PREX2: variants seen among roughly 807,000 people sequenced by gnomAD.
PREX2 encodes phosphatidylinositol 3,4,5-trisphosphate-dependent Rac exchanger 2 protein.
A neutral mutation model predicts 203.2 loss-of-function variants in PREX2; 107 were observed. That is an observed-to-expected ratio of 0.53 (90% CI 0.45 to 0.62). The LOEUF (loss-of-function observed/expected upper bound fraction) is 0.62, where lower values mean the gene tolerates loss of function less well. PREX2 is among the 20% of genes least tolerant of loss of function. The pLI is 0.00. For synonymous variants in PREX2, 672 were observed against 663.6 expected, an observed-to-expected ratio of 1.01 and a Z score of -0.19; for missense variants, 1,777 against 1,955.9, an observed-to-expected ratio of 0.91 and a Z score of 1.72.
chr8:68,043,152 G>A (rs1025345052), intron 7 of PREX2, among the ~76,000 whole-genome samples: 1 of 152,014 alleles, frequency 6.6e-6, no homozygotes, highest in Non-Finnish European at 1.5e-5. Flanking sequence ...CTCCTGTGAG[G>A]CCAATTTTCA....
intron 21 of PREX2, among the ~76,000 whole-genome samples, chr8:68,096,771 T>C (rs1206069243): frequency 6.6e-6 from 1 of 152,202 alleles, no homozygotes; most frequent in East Asian, 1.9e-4. Flanking sequence ...GGTCCACAGA[T>C]TGAAGTAGAT....
Position 68,027,339 on chromosome 8 carries a change from C to CAATGAGGTAGCA in PREX2, c.543+16_543+17insAATGAGGTAGCA. 1 of 1,444,720 alleles carries CAATGAGGTAGCA rather than the reference C, an allele frequency of 6.9e-7. No homozygotes were observed. The highest frequency in any genetic ancestry group is 9.7e-7 in the Non-Finnish European group (1 of 1,027,950). 89.5% of individuals were successfully genotyped at this position (1,444,720 alleles called of 1,614,324 possible). A position where few individuals can be genotyped will look rare whatever the true frequency, so the allele number is the denominator to read the frequency against. On this transcript the variant is annotated intron_variant, in intron 5 of 39. Transcript: ENST00000288368. The stretch of plus-strand genomic sequence containing the variant: ...TATTTTGAAGGTATTTTATGTGCTA[C>CAATGAGGTAGCA]CTCATTGTAGCCATTTTCTTGTATC...
chr8:68,219,901 C>G (rs1365136675), intron 38 of PREX2, among the ~76,000 whole-genome samples: 1 of 152,168 alleles, frequency 6.6e-6, no homozygotes, highest in East Asian at 1.9e-4. Context: ...CTTTCAGCCT[C>G]AGGGACAATT....
intron 13 of PREX2, among the ~76,000 whole-genome samples, chr8:68,071,275 G>C (rs760771355): frequency 2.4e-4 from 37 of 152,212 alleles, no homozygotes; most frequent in Non-Finnish European, 4.3e-4. Flanking sequence ...AAAACAGAAG[G>C]AATGTATGAT....
intron 1 of PREX2, among the ~76,000 whole-genome samples, chr8:67,997,038 T>C (rs1806786618): frequency 6.6e-6 from 1 of 152,216 alleles, no homozygotes; most frequent in South Asian, 2.1e-4. Context: ...TGTAAATATT[T>C]ACTTCATCAT....
rs192017208 is a variant in PREX2 at position 68,189,055 on chromosome 8, T to C, written c.4347-2667T>C. Among the ~76,000 whole-genome samples, 848 of 152,224 alleles carry C rather than the reference T, an allele frequency of 5.6e-3. 7 individuals carry two copies. The highest frequency in any genetic ancestry group is 6.7e-3 in the Non-Finnish European group (453 of 68,024). ...GTGGCAGAAATGAAATAAGAATAGG[T>C]GAACAGGAGGCTTCCACTGTATTTG... On this transcript the variant is annotated intron_variant, in intron 35 of 39. Coordinates refer to ENST00000288368, the MANE Select transcript of PREX2 (RefSeq NM_024870.4).
intron 37 of PREX2, 167 bp downstream of exon 37, chr8:68,192,692 G>A: frequency 1.9e-6 from 1 of 531,048 alleles, no homozygotes; most frequent in Non-Finnish European, 3.2e-6. Context: ...TGTATTTTCA[G>A]TGACTATTTA....
intron 1 of PREX2, among the ~76,000 whole-genome samples, chr8:67,978,089 GGGTTA>G (rs1806160544): frequency 6.6e-6 from 1 of 152,106 alleles, no homozygotes; most frequent in South Asian, 2.1e-4. Flanking sequence ...TCTGAAGTGG[GGGTTA>G]GTCTTGTGGG....
chr8:68,196,476 T>TACATCTC (rs1554584529), intron 37 of PREX2, among the ~76,000 whole-genome samples: 1 of 147,156 alleles, frequency 6.8e-6, no homozygotes, highest in Non-Finnish European at 1.5e-5. Context: ...TATATATATG[T>TACATCTC]ACATATATAT....
At chr8:68,121,180 G>C in intron 30 of PREX2, 131 bp downstream of exon 30, 2 of 931,000 alleles carry the variant, frequency 2.1e-6, no homozygotes, top group African/African-American at 1.7e-5. Context: ...TAAAAGTACT[G>C]AAAATGGTGA....
chr8:68,229,214 G>A (rs1428688991), intron 39 of PREX2, among the ~76,000 whole-genome samples: 2 of 152,130 alleles, frequency 1.3e-5, no homozygotes, highest in Non-Finnish European at 2.9e-5. Context: ...ATTTGCATTT[G>A]GTCAGGAAAT....
At chr8:67,962,649 C>T (rs1805663424) in intron 1 of PREX2, among the ~76,000 whole-genome samples, 1 of 150,924 alleles carries the variant, frequency 6.6e-6, no homozygotes, top group Admixed American at 6.6e-5. Context: ...CTCTGTTGCC[C>T]AGGCTAGAGT....
chr8:68,039,231 C>T (rs1370459576), intron 7 of PREX2, among the ~76,000 whole-genome samples: 1 of 152,094 alleles, frequency 6.6e-6, no homozygotes, highest in Non-Finnish European at 1.5e-5. Context: ...GATCTTTGTT[C>T]ACTCTCCTCC....
intron 1 of PREX2, among the ~76,000 whole-genome samples, chr8:67,993,919 A>C (rs1238244225): frequency 6.6e-6 from 1 of 152,202 alleles, no homozygotes; most frequent in Non-Finnish European, 1.5e-5. Flanking sequence ...TTCGAAGGAT[A>C]GGTTGAATGT....
intron 39 of PREX2, among the ~76,000 whole-genome samples, chr8:68,228,962 A>AG (rs1415890730): frequency 2.3e-5 from 3 of 128,338 alleles, no homozygotes; most frequent in African/African-American, 8.7e-5. Flanking sequence ...AAAAAAAAAA[A>AG]AAAAAGAAAG....
At chr8:68,068,671 A>T (rs1280397952) in intron 11 of PREX2, among the ~76,000 whole-genome samples, 2 of 152,118 alleles carry the variant, frequency 1.3e-5, no homozygotes, top group Non-Finnish European at 2.9e-5. Flanking sequence ...GCTTTGTAGC[A>T]TTGTGAAGAA....
intron 1 of PREX2, among the ~76,000 whole-genome samples, chr8:67,976,796 GGAGA>G (rs149222768): frequency 1.5e-5 from 2 of 130,438 alleles, no homozygotes; most frequent in African/African-American, 5.3e-5. Flanking sequence ...GAGCGAGAGG[GGAGA>G]GAGAGAGAGA....
chr8:67,978,132 C>T (rs1051667664), intron 1 of PREX2, among the ~76,000 whole-genome samples: 7 of 152,118 alleles, frequency 4.6e-5, no homozygotes, highest in South Asian at 4.1e-4. Context: ...TGGAATCTGA[C>T]GCTATCTGTC....
intron 1 of PREX2, among the ~76,000 whole-genome samples, chr8:67,979,389 G>A (rs1053930198): frequency 4.6e-5 from 7 of 152,058 alleles, no homozygotes; most frequent in Admixed American, 2.6e-4. Flanking sequence ...TGCTTTTTTG[G>A]TGTATCACTG....
Sources: gnomAD v4.1 joint callset for allele counts (sites outside exome capture counted in the v4.1 genomes callset) on GRCh38, gnomAD v4.1.1 for gene constraint, MANE v1.5 for transcripts, NCBI Gene and HGNC (gene_info 2026-07-23, HGNC 2026-07-21) for gene names.